Variants in ANKRD31 observed in about 807,000 individuals in gnomAD.
The protein encoded by ANKRD31 is ankyrin repeat domain 31.
Under a neutral mutation model 186.0 loss-of-function variants are expected in ANKRD31, and 147 were observed. The ratio of observed to expected loss-of-function variants is 0.79; its 90% CI spans 0.69 to 0.91. The LOEUF is 0.91. ANKRD31 is among the 40% of genes least tolerant of loss of function. The pLI is 0.00. For missense variants in ANKRD31, 1,986 were observed against 2,148.8 expected (o/e 0.92, Z 1.50); for synonymous variants, 673 against 736.4 (o/e 0.91, Z 1.39).
rs1375631657 is a variant in ANKRD31, at chr5:75,210,849, T to A, written c.305A>T (p.Glu102Val). 1 of 1,515,356 alleles carries A rather than the reference T, an allele frequency of 6.6e-7. No homozygotes were observed. The highest frequency in any genetic ancestry group is 8.8e-7 in the Non-Finnish European group (1 of 1,139,946). 93.9% of individuals were successfully genotyped at this position (1,515,356 alleles called of 1,614,324 possible). A position where few individuals can be genotyped will look rare whatever the true frequency, so the allele number is the denominator to read the frequency against. ...TTACTGTAACAGAGCTTGATTTCGT[T>A]CTGTTTCATCTTGAGACTGCTAGGA... The part of the protein sequence containing the change: ...DTILQSQDET[E>V]RNQALLQTRK... The change falls in exon 4 of 26, where the codon GAA becomes GTA. Residue 102 changes from glutamate (E) to valine (V), a missense_variant. Coordinates refer to ENST00000506364, the MANE Select transcript of ANKRD31 (RefSeq NM_001372053.1).
intron 17 of ANKRD31, among the ~76,000 whole-genome samples, chr5:75,132,869 C>T (rs1055574273): frequency 6.6e-5 from 10 of 151,894 alleles, no homozygotes; most frequent in Non-Finnish European, 1.3e-4. Flanking sequence ...ATTCAACATT[C>T]TTAAAAAAAT....
At chr5:75,229,760 G>A (rs1309460080) in intron 2 of ANKRD31, among the ~76,000 whole-genome samples, 1 of 150,920 alleles carries the variant, frequency 6.6e-6, no homozygotes, top group Admixed American at 6.6e-5. Flanking sequence ...AGCTACTCGC[G>A]AGGCTGAGGC....
chr5:75,138,117 T>A, intron 16 of ANKRD31, 119 bp from the exon 17 acceptor site: 1 of 843,718 alleles, frequency 1.2e-6, no homozygotes, highest in Non-Finnish European at 1.6e-6. Flanking sequence ...CATATGTATA[T>A]ACTAAGTATT....
chr5:75,163,069 T>G (rs1209870250), intron 11 of ANKRD31, among the ~76,000 whole-genome samples: 1 of 152,240 alleles, frequency 6.6e-6, no homozygotes, highest in Non-Finnish European at 1.5e-5. Flanking sequence ...CCAGTATTAC[T>G]ATTAACAATG....
intron 10 of ANKRD31, among the ~76,000 whole-genome samples, chr5:75,181,220 A>G (rs781317072): frequency 6.6e-6 from 1 of 152,188 alleles, no homozygotes; most frequent in Non-Finnish European, 1.5e-5. Context: ...GTGATCATTA[A>G]AAAGTCAGGA....
At chr5:75,097,802 A>C (rs917852158) in intron 22 of ANKRD31, among the ~76,000 whole-genome samples, 12 of 152,190 alleles carry the variant, frequency 7.9e-5, no homozygotes, top group Non-Finnish European at 1.6e-4. Context: ...TCTAACATTT[A>C]AGTCTTTAAT....
intron 15 of ANKRD31, among the ~76,000 whole-genome samples, chr5:75,140,258 GGAAGGAAGGAA>G (rs1420794330): frequency 0.015 from 1,255 of 84,854 alleles, 15 homozygotes; most frequent in Middle Eastern, 0.046. Context: ...AAGGAAGGAA[GGAAGGAAGGAA>G]AGAGAGAGAG....
At chr5:75,217,916 G>A (rs1463548814) in intron 3 of ANKRD31, among the ~76,000 whole-genome samples, 1 of 152,074 alleles carries the variant, frequency 6.6e-6, no homozygotes, top group East Asian at 1.9e-4. Flanking sequence ...TCCATATTTA[G>A]GGCTTCTTTT....
At chr5:75,150,863 T>A (rs1751793534) in intron 12 of ANKRD31, among the ~76,000 whole-genome samples, 2 of 152,030 alleles carry the variant, frequency 1.3e-5, no homozygotes, top group South Asian at 4.1e-4. Context: ...TTCCATATAG[T>A]TTAAAATGTT....
intron 10 of ANKRD31, among the ~76,000 whole-genome samples, chr5:75,170,568 G>T (rs1304131338): frequency 1.3e-5 from 2 of 152,048 alleles, no homozygotes; most frequent in East Asian, 1.9e-4. Flanking sequence ...TGGGTAAATT[G>T]TGTGTCACTG....
At chr5:75,164,721 A>G (rs938925645) in intron 11 of ANKRD31, among the ~76,000 whole-genome samples, 2 of 152,196 alleles carry the variant, frequency 1.3e-5, no homozygotes, top group African/African-American at 4.8e-5. Flanking sequence ...ATTTGACACA[A>G]AACATCCAGA....
intron 7 of ANKRD31, 121 bp from the exon 8 acceptor site, chr5:75,193,712 A>G (rs953484965): frequency 9.5e-6 from 8 of 839,744 alleles, no homozygotes; most frequent in African/African-American, 8.6e-5. Flanking sequence ...GGATCCAAGT[A>G]CAAGAATTCA....
chr5:75,096,404 T>G (rs1746320490), intron 22 of ANKRD31, among the ~76,000 whole-genome samples: 2 of 152,224 alleles, frequency 1.3e-5, no homozygotes, highest in Non-Finnish European at 2.9e-5. Flanking sequence ...TTGTAGATTC[T>G]GGATTAGACC....
chr5:75,229,966 G>T lies in ANKRD31; in HGVS notation c.178+596C>A, dbSNP rs114398959. On this transcript the variant is annotated intron_variant, in intron 2 of 25. Transcript: ENST00000506364. ...CTCCCCATGTTTGCATGGGTTTCCT[G>T]CAGGTACTCCAGTTTCCTCCCACAT... Among the ~76,000 whole-genome samples, 805 of 151,218 alleles carry T rather than the reference G, an allele frequency of 5.3e-3. 2 individuals are homozygous for T. Among genetic ancestry groups the T allele is most frequent in the Middle Eastern group, 0.021 (6 of 288 alleles).
intron 11 of ANKRD31, among the ~76,000 whole-genome samples, chr5:75,168,640 G>T (rs545031295): frequency 2.0e-5 from 3 of 152,092 alleles, no homozygotes; most frequent in Non-Finnish European, 4.4e-5. Context: ...CTCCTATCAG[G>T]ACTGGACATA....
At chr5:75,121,201 A>G (rs895650507) in intron 17 of ANKRD31, among the ~76,000 whole-genome samples, 13 of 150,592 alleles carry the variant, frequency 8.6e-5, no homozygotes, top group South Asian at 2.1e-4. Context: ...AAAAAGATAG[A>G]GGGGTGGAAA....
At chr5:75,127,464 T>C (rs919263774) in intron 17 of ANKRD31, among the ~76,000 whole-genome samples, 8 of 152,158 alleles carry the variant, frequency 5.3e-5, no homozygotes, top group Non-Finnish European at 1.2e-4. Context: ...TAGCCCCAAA[T>C]GTCATTTATG....
At chr5:75,133,920 G>A (rs7297516) in intron 17 of ANKRD31, among the ~76,000 whole-genome samples, 2 of 152,060 alleles carry the variant, frequency 1.3e-5, no homozygotes, top group African/African-American at 4.8e-5. Flanking sequence ...TGACTACTGG[G>A]TACATAACGA....
At chr5:75,217,030 G>A (rs1015963069) in intron 3 of ANKRD31, among the ~76,000 whole-genome samples, 1 of 152,098 alleles carries the variant, frequency 6.6e-6, no homozygotes, top group African/African-American at 2.4e-5. Context: ...TAATATTATG[G>A]TTTTTGAGCA....
Sources: allele counts gnomAD v4.1 joint callset (sites outside exome capture counted in the v4.1 genomes callset), GRCh38; gene constraint gnomAD v4.1.1; transcripts MANE v1.5; gene names NCBI Gene and HGNC (gene_info 2026-07-23, HGNC 2026-07-21).